Variants in EPB41L5 observed in about 807,000 individuals in gnomAD.
The protein encoded by EPB41L5 is band 4.1-like protein 5.
Under a neutral mutation model 106.6 loss-of-function variants are expected in EPB41L5, and 55 were observed. The observed-to-expected ratio is 0.52, with a 90% CI of 0.42 to 0.65. The LOEUF (loss-of-function observed/expected upper bound fraction) is 0.65. EPB41L5 is among the 30% of genes least tolerant of loss of function. The pLI, the probability that EPB41L5 is intolerant of heterozygous loss-of-function variation, is 0.00. For missense variants in EPB41L5, 871 were observed against 882.1 expected, an observed-to-expected ratio of 0.99 and a Z score of 0.16; for synonymous variants, 297 against 306.7, an observed-to-expected ratio of 0.97 and a Z score of 0.33.
intron 17 of EPB41L5, among the ~76,000 whole-genome samples, chr2:120,131,410 G>T (rs750991767): frequency 6.6e-6 from 1 of 152,122 alleles, no homozygotes; most frequent in African/African-American, 2.4e-5. Flanking sequence ...ATAGGGTGGT[G>T]TTTCTACTTA....
At chr2:120,045,379 C>T (rs904959627) in intron 3 of EPB41L5, among the ~76,000 whole-genome samples, 2 of 152,088 alleles carry the variant, frequency 1.3e-5, no homozygotes, top group African/African-American at 4.8e-5. Context: ...GAAACAATCT[C>T]ATGTTTATAG....
intron 21 of EPB41L5, 142 bp downstream of exon 21, chr2:120,161,116 A>T: frequency 1.6e-6 from 1 of 644,084 alleles, no homozygotes; most frequent in South Asian, 1.9e-5. Flanking sequence ...AGGGGCTCAC[A>T]CCTATAATTC....
intron 3 of EPB41L5, among the ~76,000 whole-genome samples, chr2:120,059,613 C>T (rs929129711): frequency 1.3e-5 from 2 of 152,128 alleles, no homozygotes; most frequent in Non-Finnish European, 2.9e-5. Flanking sequence ...CATATATACA[C>T]AATGCCTAGC....
chr2:120,072,031 G>A (rs954558587), intron 3 of EPB41L5, among the ~76,000 whole-genome samples: 3 of 152,050 alleles, frequency 2.0e-5, no homozygotes, highest in Admixed American at 1.3e-4. Flanking sequence ...TTTTTGCAAT[G>A]TATCCATCTG....
At chr2:120,081,448 G>C (rs934521495) in intron 10 of EPB41L5, among the ~76,000 whole-genome samples, 1 of 152,180 alleles carries the variant, frequency 6.6e-6, no homozygotes, top group African/African-American at 2.4e-5. Context: ...CGAGGGCTCT[G>C]TTCTGTTCCA....
intron 16 of EPB41L5, among the ~76,000 whole-genome samples, chr2:120,110,758 C>T (rs557373236): frequency 4.2e-4 from 64 of 151,912 alleles, no homozygotes; most frequent in African/African-American, 1.4e-3. Flanking sequence ...CCTCAGCTTC[C>T]GGAGTAGCTG....
intron 3 of EPB41L5, among the ~76,000 whole-genome samples, chr2:120,059,567 C>T (rs751348734): frequency 4.6e-5 from 7 of 152,126 alleles, no homozygotes; most frequent in Non-Finnish European, 8.8e-5. Flanking sequence ...AGAAAGTATT[C>T]GTATATCACA....
chr2:120,138,644 T>G (rs999536577), intron 18 of EPB41L5, among the ~76,000 whole-genome samples: 7 of 151,952 alleles, frequency 4.6e-5, no homozygotes, highest in Non-Finnish European at 7.4e-5. Context: ...GAAAGATTTC[T>G]GCAATGAAAA....
In EPB41L5 at chr2:120,102,873, A is replaced by G. The variant is rs1416130767; in HGVS notation, c.1337+2059A>G. ...AAATCATTTGTAAGCAACAACAGAA[A>G]CAAAACTGAATAGTGTTTAGAAAAC... On this transcript the variant is annotated intron_variant, in intron 16 of 24. Transcript: ENST00000263713. Among the ~76,000 whole-genome samples, 3 of 152,226 alleles carry G rather than the reference A, an allele frequency of 2.0e-5. No individual in the cohort carries two copies. In the East Asian group the frequency reaches 5.8e-4, roughly 29 times the overall value.
At chr2:120,131,488 T>C in intron 17 of EPB41L5, 130 bp from the exon 18 acceptor site, 1 of 624,178 alleles carries the variant, frequency 1.6e-6, no homozygotes. Flanking sequence ...TTATTTTGTG[T>C]TTATCTGGAT....
intron 18 of EPB41L5, among the ~76,000 whole-genome samples, chr2:120,137,770 AT>A (rs1292011146): frequency 6.6e-6 from 1 of 152,124 alleles, no homozygotes; most frequent in Non-Finnish European, 1.5e-5. Flanking sequence ...ATTTTACCAA[AT>A]ATTTAAAGAA....
chr2:120,016,934 A>T (rs557287922), intron 1 of EPB41L5, among the ~76,000 whole-genome samples: 3 of 152,230 alleles, frequency 2.0e-5, no homozygotes, highest in African/African-American at 7.2e-5. Context: ...GGAACACTGG[A>T]AAGTTATCTA....
intron 1 of EPB41L5, among the ~76,000 whole-genome samples, chr2:120,017,813 T>C (rs1383100608): frequency 6.6e-6 from 1 of 152,198 alleles, no homozygotes; most frequent in Non-Finnish European, 1.5e-5. Flanking sequence ...CAGGATTTTT[T>C]TTGAGACAGA....
chr2:120,037,212 G>A (rs1679090927), intron 2 of EPB41L5, among the ~76,000 whole-genome samples: 1 of 151,992 alleles, frequency 6.6e-6, no homozygotes, highest in East Asian at 1.9e-4. Flanking sequence ...ATTTAACCAA[G>A]GAGGCAAAAG....
intron 16 of EPB41L5, among the ~76,000 whole-genome samples, chr2:120,116,571 G>A (rs1684956397): frequency 6.6e-6 from 1 of 152,118 alleles, no homozygotes; most frequent in South Asian, 2.1e-4. Context: ...TTCCAGTCTG[G>A]AGTGCAGTGG....
chr2:120,050,633 C>T (rs972324332), intron 3 of EPB41L5, among the ~76,000 whole-genome samples: 14 of 152,250 alleles, frequency 9.2e-5, no homozygotes, highest in Middle Eastern at 3.4e-3. Context: ...GAAGTTTGAT[C>T]GTCTGAAGCC....
intron 7 of EPB41L5, among the ~76,000 whole-genome samples, chr2:120,076,230 A>G (rs569154068): frequency 6.6e-6 from 1 of 152,198 alleles, no homozygotes; most frequent in South Asian, 2.1e-4. Flanking sequence ...TTTAGGATTA[A>G]TAATTTTAAA....
At position 120,077,403 on chromosome 2, in the gene EPB41L5, A is replaced by G. The variant is rs899174611; in HGVS notation, c.714+87A>G. On this transcript the variant is annotated intron_variant, in intron 9 of 24. Transcript: ENST00000263713. ...GGAATTTTTCAGTATGAGGGAGGGCATGGAGTTTGCATAAGCTAGCACTGG... is the reference window on the plus strand; with the variant it reads ...GGAATTTTTCAGTATGAGGGAGGGCGTGGAGTTTGCATAAGCTAGCACTGG... 13 of 1,132,020 alleles carry G rather than the reference A, an allele frequency of 1.1e-5. No individual in the cohort carries two copies. The East Asian group carries it at 2.0e-4, about 17-fold the overall frequency. The allele number at this position is 1,132,020 out of a possible 1,614,324, so 70.1% of individuals were successfully genotyped here.
intron 16 of EPB41L5, chr2:120,108,301 G>A (rs2105420413): frequency 6.6e-6 from 1 of 152,162 alleles, no homozygotes; most frequent in Non-Finnish European, 1.5e-5. Context: ...TTCCTTAATG[G>A]TGTAATAATG....
Sources: allele counts gnomAD v4.1 joint callset (sites outside exome capture counted in the v4.1 genomes callset), GRCh38; gene constraint gnomAD v4.1.1; transcripts MANE v1.5; gene names NCBI Gene and HGNC (gene_info 2026-07-23, HGNC 2026-07-21).